The following CORIN variants were observed in gnomAD, a reference collection of about 807,000 sequenced individuals.
CORIN encodes the protein corin, serine peptidase, also known as atrial natriuretic peptide-converting enzyme.
Under a neutral mutation model 125.3 loss-of-function variants are expected in CORIN, and 117 were observed. The observed-to-expected ratio is 0.93, with a 90% CI of 0.80 to 1.09. CORIN has a LOEUF of 1.09. CORIN is among the 50% of genes least tolerant of loss of function. The pLI is 0.00. For missense variants in CORIN, 1,253 were observed against 1,306.7 expected, an observed-to-expected ratio of 0.96 and a Z score of 0.63; for synonymous variants, 450 against 466.4, an observed-to-expected ratio of 0.96 and a Z score of 0.45.
intron 16 of CORIN, among the ~76,000 whole-genome samples, chr4:47,629,170 G>C (rs1308877810): frequency 6.6e-6 from 1 of 152,024 alleles, no homozygotes; most frequent in Non-Finnish European, 1.5e-5. Flanking sequence ...AGAATATATA[G>C]GGTTTCCCCT....
At chr4:47,706,799 A>G (rs1295009932) in intron 5 of CORIN, 1 of 1,598,262 alleles carries the variant, frequency 6.3e-7, no homozygotes, top group Admixed American at 1.7e-5. Context: ...TAAAGCTATC[A>G]GAAGAAATCC....
At chr4:47,679,998 A>G in intron 8 of CORIN, 143 bp downstream of exon 8, 1 of 574,136 alleles carries the variant, frequency 1.7e-6, no homozygotes, top group Non-Finnish European at 3.1e-6. Context: ...AGTGATCTTT[A>G]CAGGCTAGAA....
At chr4:47,658,584 G>C (rs1168908280) in intron 12 of CORIN, among the ~76,000 whole-genome samples, 1 of 152,260 alleles carries the variant, frequency 6.6e-6, no homozygotes, top group Non-Finnish European at 1.5e-5. Flanking sequence ...AGGTAGAGCA[G>C]CCTGGATGCA....
rs577336205 is a variant in CORIN at position 47,798,294 on chromosome 4, C to T, written c.208+8609G>A. 2.8e-4 allele frequency among the ~76,000 whole-genome samples: 43 copies of T among 152,270 alleles called. No homozygotes were observed. In the South Asian group the frequency reaches 3.3e-3, roughly 12 times the overall value. ...ACCACAACAGACAAAATTAGAGACACGTAGTACATCTGTGTTTGTTAGCAT... is the reference window on the plus strand; with the variant it reads ...ACCACAACAGACAAAATTAGAGACATGTAGTACATCTGTGTTTGTTAGCAT... On this transcript the variant is annotated intron_variant, in intron 2 of 21. Coordinates refer to ENST00000273857, the MANE Select transcript of CORIN (RefSeq NM_006587.4).
At chr4:47,750,863 A>G (rs901428779) in intron 4 of CORIN, among the ~76,000 whole-genome samples, 3 of 152,182 alleles carry the variant, frequency 2.0e-5, no homozygotes, top group African/African-American at 7.2e-5. Flanking sequence ...TGGAAAGTAG[A>G]TATGGAGAAG....
At chr4:47,720,508 A>G (rs1727294350) in intron 5 of CORIN, among the ~76,000 whole-genome samples, 1 of 152,220 alleles carries the variant, frequency 6.6e-6, no homozygotes, top group Non-Finnish European at 1.5e-5. Flanking sequence ...AGAGTGGGGT[A>G]CATGCAGATA....
intron 1 of CORIN, among the ~76,000 whole-genome samples, chr4:47,826,629 G>C (rs933658325): frequency 2.6e-5 from 4 of 152,062 alleles, no homozygotes; most frequent in African/African-American, 7.2e-5. Flanking sequence ...CCTCTCTAAG[G>C]GCTTTGTGAT....
intron 5 of CORIN, among the ~76,000 whole-genome samples, chr4:47,716,314 C>T (rs1727087213): frequency 6.6e-6 from 1 of 152,122 alleles, no homozygotes; most frequent in Admixed American, 6.5e-5. Context: ...TTTCACACAC[C>T]TCAGCTTTGG....
chr4:47,725,246 C>CT (rs906924676), intron 5 of CORIN, among the ~76,000 whole-genome samples: 25 of 148,662 alleles, frequency 1.7e-4, no homozygotes, highest in South Asian at 1.5e-3. Flanking sequence ...TTTTGGAACA[C>CT]TTTTTTTTTT....
At chr4:47,814,805 T>C (rs900447354) in intron 1 of CORIN, among the ~76,000 whole-genome samples, 2 of 152,188 alleles carry the variant, frequency 1.3e-5, no homozygotes, top group African/African-American at 4.8e-5. Context: ...AAAATGAAAT[T>C]ACTCAGTTCA....
chr4:47,681,073 G>A (rs894622273), intron 7 of CORIN: 2 of 152,218 alleles, frequency 1.3e-5, no homozygotes, highest in Non-Finnish European at 2.9e-5. Flanking sequence ...TCCATAGGAT[G>A]CTTTGCCATG....
chr4:47,622,933 C>A (rs1346142259), intron 19 of CORIN, among the ~76,000 whole-genome samples: 2 of 152,018 alleles, frequency 1.3e-5, no homozygotes, highest in Admixed American at 1.3e-4. Context: ...TCCTCGGAGC[C>A]AATCCAGTTC....
chr4:47,746,156 T>A (rs1728653754), intron 4 of CORIN, among the ~76,000 whole-genome samples: 1 of 152,230 alleles, frequency 6.6e-6, no homozygotes, highest in African/African-American at 2.4e-5. Flanking sequence ...CATTATTTCC[T>A]GCCTGTCCTG....
At position 47,635,205 on chromosome 4, in the gene CORIN, G is replaced by A. The variant is rs527864133; in HGVS notation, c.2198+6715C>T. On this transcript the variant is annotated intron_variant, in intron 16 of 21. Coordinates refer to ENST00000273857, the MANE Select transcript of CORIN (RefSeq NM_006587.4). Reference sequence around the variant, plus strand: ...ACAAGGGTTAAAACTGATGCTTAGAGGTTAATGAGGTGGGACAGAAATGGA... The same window carrying A: ...ACAAGGGTTAAAACTGATGCTTAGAAGTTAATGAGGTGGGACAGAAATGGA... Among the ~76,000 whole-genome samples, 8 of 152,332 alleles carry A rather than the reference G, an allele frequency of 5.3e-5. No homozygotes were observed. In the South Asian group the frequency reaches 1.4e-3, roughly 28 times the overall value.
At chr4:47,599,832 A>G (rs911016591) in intron 21 of CORIN, among the ~76,000 whole-genome samples, 6 of 152,040 alleles carry the variant, frequency 3.9e-5, no homozygotes, top group Non-Finnish European at 8.8e-5. Flanking sequence ...ATGTCCTTTC[A>G]TGCCTTCCCT....
At chr4:47,628,837 A>G (rs10023732) in intron 16 of CORIN, among the ~76,000 whole-genome samples, 39,719 of 151,966 alleles carry the variant, frequency 0.26, 5,422 homozygotes, top group Admixed American at 0.36. Flanking sequence ...AAGAAAATGT[A>G]GTGTGTGTAT....
intron 3 of CORIN, among the ~76,000 whole-genome samples, chr4:47,773,812 T>G (rs962106558): frequency 1.3e-5 from 2 of 151,730 alleles, no homozygotes; most frequent in Non-Finnish European, 2.9e-5. Context: ...AATGTATACC[T>G]AGGTATATAT....
chr4:47,730,797 A>G lies in CORIN; in HGVS notation c.799+13605T>C, dbSNP rs1727842702. On this transcript the variant is annotated intron_variant, in intron 5 of 21. Transcript: ENST00000273857. The stretch of plus-strand genomic sequence containing the variant: ...ACAGTTGTAAAGACCAAGGGCTTTT[A>G]TACTGAGTGAGAGGGAAAGCCTTAG... Among the ~76,000 whole-genome samples the G allele has an allele frequency of 2.0e-5, 3 of 152,264 alleles. No individual in the cohort carries two copies. In the South Asian group the frequency reaches 6.2e-4, roughly 31 times the overall value.
intron 13 of CORIN, among the ~76,000 whole-genome samples, chr4:47,648,123 CTTTG>C (rs1236473110): frequency 1.4e-4 from 21 of 152,240 alleles, no homozygotes; most frequent in Non-Finnish European, 2.8e-4. Flanking sequence ...AAACCACTTT[CTTTG>C]TAAAGTGACA....
Sources: gnomAD v4.1 joint callset for allele counts (sites outside exome capture counted in the v4.1 genomes callset) on GRCh38, gnomAD v4.1.1 for gene constraint, MANE v1.5 for transcripts, NCBI Gene and HGNC (gene_info 2026-07-23, HGNC 2026-07-21) for gene names.